Variants in PTGR1 observed in about 807,000 individuals in gnomAD.
PTGR1 encodes 15-oxoprostaglandin 13-reductase.
A neutral mutation model predicts 37.7 loss-of-function variants in PTGR1; 23 were observed. The ratio of observed to expected loss-of-function variants is 0.61; its 90% CI spans 0.44 to 0.86. The LOEUF (loss-of-function observed/expected upper bound fraction) is 0.86, where lower values mean the gene tolerates loss of function less well. PTGR1 is among the 40% of genes least tolerant of loss of function. The pLI, the probability that PTGR1 is intolerant of heterozygous loss-of-function variation, is 0.00. For missense variants in PTGR1, 351 were observed against 394.3 expected (o/e 0.89, Z 0.93); for synonymous variants, 134 against 140.0 (o/e 0.96, Z 0.30).
intron 9 of PTGR1, among the ~76,000 whole-genome samples, chr9:111,565,190 G>A (rs1398482807): frequency 6.6e-6 from 1 of 152,084 alleles, no homozygotes; most frequent in African/African-American, 2.4e-5. Context: ...TGACTGGTGT[G>A]CTTATAAGGA....
At chr9:111,551,399 TG>T (rs1353526889) in intron 9 of PTGR1, among the ~76,000 whole-genome samples, 2,908 of 119,304 alleles carry the variant, frequency 0.024, 135 homozygotes, top group Non-Finnish European at 0.04. Flanking sequence ...ATCCAGTTTT[TG>T]TTTTTTTTTT....
intron 1 of PTGR1, 65 bp from the exon 2 acceptor site, chr9:111,597,497 G>GTC: frequency 1.0e-6 from 1 of 957,172 alleles, no homozygotes; most frequent in Non-Finnish European, 1.6e-6. Context: ...TTCTCTAGCC[G>GTC]TCAAACTGAG....
rs577021755 is a variant in PTGR1, at chr9:111,570,079, G to A, written c.879+12C>T. On this transcript the variant is annotated intron_variant, in intron 9 of 9. Coordinates refer to ENST00000407693, the MANE Select transcript of PTGR1 (RefSeq NM_001146108.2). ...GTGTACAATTGGAAGGGGTGGCTCC[G>A]GAGCTCCTTACCTCTAAGACCCATT... The A allele has an allele frequency of 9.4e-5, 152 of 1,613,852 alleles. 1 individual carries two copies. Among genetic ancestry groups the A allele is most frequent in the South Asian group, 6.3e-4 (57 of 91,032 alleles).
At chr9:111,559,427 C>T (rs1249729299), downstream of PTGR1, among the ~76,000 whole-genome samples, 1 of 152,016 alleles carries the variant, frequency 6.6e-6, no homozygotes, top group Non-Finnish European at 1.5e-5. Context: ...CTGCCCCTGC[C>T]CTACCCACAC....
intron 8 of PTGR1, among the ~76,000 whole-genome samples, chr9:111,571,673 TTTGTTTG>T (rs1221937459): frequency 6.6e-6 from 1 of 151,992 alleles, no homozygotes; most frequent in Non-Finnish European, 1.5e-5. Context: ...TGTTTGTTTG[TTTGTTTG>T]TTTTTTCTGT....
intron 8 of PTGR1, among the ~76,000 whole-genome samples, chr9:111,572,361 G>A (rs1828855516): frequency 6.6e-6 from 1 of 152,168 alleles, no homozygotes; most frequent in Admixed American, 6.5e-5. Flanking sequence ...TTGGAAGACT[G>A]AAGGGAGCAG....
At chr9:111,591,237 C>T (rs769168660) in intron 4 of PTGR1, among the ~76,000 whole-genome samples, 14 of 150,028 alleles carry the variant, frequency 9.3e-5, no homozygotes, top group Non-Finnish European at 1.9e-4. Context: ...GTAGAGGTTG[C>T]GGTGAGCCAA....
At chr9:111,579,759 C>T (rs1829217842) in intron 6 of PTGR1, among the ~76,000 whole-genome samples, 1 of 152,070 alleles carries the variant, frequency 6.6e-6, no homozygotes, top group Non-Finnish European at 1.5e-5. Context: ...CACCAGGCCC[C>T]CTTTATCCTT....
chr9:111,587,779 A>G (rs1201617206), intron 4 of PTGR1, among the ~76,000 whole-genome samples: 4 of 152,144 alleles, frequency 2.6e-5, no homozygotes, highest in Admixed American at 2.6e-4. Context: ...AATTGAAGTA[A>G]TGTTATATGT....
downstream of PTGR1, among the ~76,000 whole-genome samples, chr9:111,561,168 AGAGAGAGAGAAAGAG>A (rs1828306848): frequency 7.0e-6 from 1 of 143,394 alleles, no homozygotes; most frequent in Non-Finnish European, 1.5e-5. Flanking sequence ...AGAGAGAGAG[AGAGAGAGAGAAAGAG>A]AGAGAGATTC....
At position 111,574,749 on chromosome 9, in the gene PTGR1, C is replaced by T. The variant is rs750300110; in HGVS notation, c.745G>A (p.Gly249Ser). ...CGAISTYNRT[G>S]PLPPGPPPEI... ...TGCTCATTACCTGGGGGAAGTGGGC[C>T]GGTTCTGTTATATGTAGAGATGGCT... The change falls in exon 8 of 10, where the codon GGC (glycine) becomes AGC (serine). Residue 249 changes from glycine to serine, a missense_variant. Physicochemically the swap from Gly to Ser is moderately conservative, Grantham distance 56. Coordinates refer to ENST00000407693, the MANE Select transcript of PTGR1 (RefSeq NM_001146108.2). 2.7e-5 allele frequency: 43 copies of T among 1,612,282 alleles called. No homozygotes were observed. Among genetic ancestry groups the T allele is most frequent in the East Asian group, 4.5e-5 (2 of 44,784 alleles).
At chr9:111,560,636 C>CAAAA (rs1015199330), downstream of PTGR1, among the ~76,000 whole-genome samples, 15 of 26,284 alleles carry the variant, frequency 5.7e-4, no homozygotes, top group East Asian at 1.2e-3. Context: ...GACACCATCT[C>CAAAA]AAAAAAAAAA....
intron 1 of PTGR1, 77 bp from the exon 2 acceptor site, chr9:111,597,509 C>A: frequency 1.2e-6 from 1 of 809,916 alleles, no homozygotes; most frequent in Non-Finnish European, 2.0e-6. Flanking sequence ...CAAACTGAGA[C>A]CAGACAGCAC....
At chr9:111,558,078 C>T (rs1022040120), downstream of PTGR1, among the ~76,000 whole-genome samples, 4 of 152,140 alleles carry the variant, frequency 2.6e-5, no homozygotes, top group African/African-American at 9.6e-5. Flanking sequence ...ACCCGGGAGG[C>T]GGAGTTTGCA....
intron 9 of PTGR1, among the ~76,000 whole-genome samples, chr9:111,568,870 AG>A (rs1199911757): frequency 2.6e-5 from 4 of 152,186 alleles, no homozygotes; most frequent in Admixed American, 6.5e-5. Flanking sequence ...TGCCTGGACC[AG>A]GGTGGTAGCA....
intron 9 of PTGR1, among the ~76,000 whole-genome samples, chr9:111,552,084 C>A (rs1827980471): frequency 6.6e-6 from 1 of 152,186 alleles, no homozygotes; most frequent in African/African-American, 2.4e-5. Flanking sequence ...TCAAATTTAG[C>A]TTGTTCATAT....
At chr9:111,585,227 AAGAAAT>A (rs1460976192) in intron 5 of PTGR1, among the ~76,000 whole-genome samples, 1 of 152,242 alleles carries the variant, frequency 6.6e-6, no homozygotes, top group Non-Finnish European at 1.5e-5. Context: ...TCAGATGAAT[AAGAAAT>A]ATACATAAGT....
At chr9:111,564,994 TG>T (rs1401713004) in intron 9 of PTGR1, among the ~76,000 whole-genome samples, 1 of 151,756 alleles carries the variant, frequency 6.6e-6, no homozygotes, top group Non-Finnish European at 1.5e-5. Context: ...CGTGGTGGCG[TG>T]TACCTGTAAT....
chr9:111,554,893 T>C (rs1298001988), intron 9 of PTGR1, among the ~76,000 whole-genome samples: 1 of 152,190 alleles, frequency 6.6e-6, no homozygotes, highest in Non-Finnish European at 1.5e-5. Flanking sequence ...GTCTTTGAGT[T>C]AGATGCTTTG....
Sources: gnomAD v4.1 joint callset for allele counts (sites outside exome capture counted in the v4.1 genomes callset) on GRCh38, gnomAD v4.1.1 for gene constraint, MANE v1.5 for transcripts, NCBI Gene and HGNC (gene_info 2026-07-23, HGNC 2026-07-21) for gene names.